KIF6: variants seen among roughly 807,000 people sequenced by gnomAD.
KIF6 encodes kinesin-like protein KIF6.
A neutral mutation model predicts 112.7 loss-of-function variants in KIF6; 106 were observed. The observed-to-expected ratio is 0.94, with a 90% CI of 0.80 to 1.11. The LOEUF is 1.11. KIF6 is among the 50% of genes least tolerant of loss of function. The pLI, the probability that KIF6 is intolerant of heterozygous loss-of-function variation, is 0.00. For missense variants in KIF6, 929 were observed against 964.0 expected (o/e 0.96, Z 0.48); for synonymous variants, 339 against 339.9 (o/e 1.00, Z 0.03).
chr6:39,430,722 T>A lies in KIF6; in HGVS notation c.1754+331A>T, dbSNP rs78670945. 1.0e-3 allele frequency among the ~76,000 whole-genome samples: 157 copies of A among 152,296 alleles called. 2 individuals carry two copies. The highest frequency in any genetic ancestry group is 6.8e-3 in the Middle Eastern group (2 of 294). Reference sequence around the variant, plus strand: ...TAAGAATATAATTTGGTCCATAGACTTTTTCCCCCCTCCTTTGCAACAGTA... The same window carrying A: ...TAAGAATATAATTTGGTCCATAGACATTTTCCCCCCTCCTTTGCAACAGTA... On this transcript the variant is annotated intron_variant, in intron 14 of 22. Transcript: ENST00000287152.
At chr6:39,337,181 T>TTCTTTCTTTCTTTC (rs1763028176) in intron 22 of KIF6, among the ~76,000 whole-genome samples, 1 of 82,260 alleles carries the variant, frequency 1.2e-5, no homozygotes, top group Non-Finnish European at 2.1e-5. Flanking sequence ...CCTTCTTTCT[T>TTCTTTCTTTCTTTC]TCTTTCTTTC....
chr6:39,507,689 TA>T (rs1347826124), intron 13 of KIF6, among the ~76,000 whole-genome samples: 1 of 139,444 alleles, frequency 7.2e-6, no homozygotes, highest in African/African-American at 2.7e-5. Flanking sequence ...CCTTCCTTCC[TA>T]CCTTCCTTCC....
chr6:39,388,189 C>A (rs1767580561), intron 15 of KIF6, among the ~76,000 whole-genome samples: 1 of 152,162 alleles, frequency 6.6e-6, no homozygotes, highest in Non-Finnish European at 1.5e-5. Flanking sequence ...AACCCCATGC[C>A]TTGACCAGAG....
chr6:39,619,481 A>T (rs543400078), intron 5 of KIF6, among the ~76,000 whole-genome samples: 1 of 152,190 alleles, frequency 6.6e-6, no homozygotes, highest in South Asian at 2.1e-4. Flanking sequence ...TAACCAATGG[A>T]TAAAGTCATT....
intron 15 of KIF6, among the ~76,000 whole-genome samples, chr6:39,418,511 C>A (rs1770094025): frequency 6.6e-6 from 1 of 152,114 alleles, no homozygotes; most frequent in Non-Finnish European, 1.5e-5. Flanking sequence ...ACTGATAGCA[C>A]AAAAGATATT....
At chr6:39,631,720 T>G (rs902067195) in intron 5 of KIF6, among the ~76,000 whole-genome samples, 5 of 148,608 alleles carry the variant, frequency 3.4e-5, no homozygotes, top group African/African-American at 1.3e-4. Context: ...TTTTTTTGTT[T>G]TTTTGTTTTT....
intron 16 of KIF6, among the ~76,000 whole-genome samples, chr6:39,380,686 G>C (rs1041646713): frequency 1.3e-5 from 2 of 151,710 alleles, no homozygotes; most frequent in Non-Finnish European, 2.9e-5. Context: ...AATTTCCTTG[G>C]TGTAAATATT....
chr6:39,381,880 C>A (rs553915851), intron 16 of KIF6, among the ~76,000 whole-genome samples: 7 of 152,182 alleles, frequency 4.6e-5, no homozygotes, highest in African/African-American at 1.4e-4. Flanking sequence ...CAAAGCTAGG[C>A]GCTACTGAAC....
intron 13 of KIF6, among the ~76,000 whole-genome samples, chr6:39,454,129 T>C (rs1772879148): frequency 6.6e-6 from 1 of 152,184 alleles, no homozygotes; most frequent in Non-Finnish European, 1.5e-5. Flanking sequence ...CTAAGTAGCA[T>C]GGTGAGTATG....
intron 13 of KIF6, among the ~76,000 whole-genome samples, chr6:39,486,356 A>G (rs1775113964): frequency 6.6e-6 from 1 of 152,094 alleles, no homozygotes; most frequent in South Asian, 2.1e-4. Flanking sequence ...CCAGGTTTCC[A>G]GTTGTCCCTT....
intron 13 of KIF6, among the ~76,000 whole-genome samples, chr6:39,481,660 C>A (rs1774806604): frequency 6.6e-6 from 1 of 152,182 alleles, no homozygotes; most frequent in Non-Finnish European, 1.5e-5. Context: ...GGGCTCCCCA[C>A]AAACTCACCC....
chr6:39,461,882 C>G (rs1293464587), intron 13 of KIF6, among the ~76,000 whole-genome samples: 2 of 152,074 alleles, frequency 1.3e-5, no homozygotes, highest in Non-Finnish European at 2.9e-5. Flanking sequence ...TACTATAATA[C>G]TAATATTTTA....
At chr6:39,573,693 A>C (rs1321823450) in intron 10 of KIF6, among the ~76,000 whole-genome samples, 1 of 152,218 alleles carries the variant, frequency 6.6e-6, no homozygotes, top group Non-Finnish European at 1.5e-5. Context: ...GCTGAAGTTT[A>C]TTTAGTAGCA....
chr6:39,379,376 G>A (rs1398121091), intron 16 of KIF6, among the ~76,000 whole-genome samples: 2 of 152,214 alleles, frequency 1.3e-5, no homozygotes, highest in Non-Finnish European at 2.9e-5. Context: ...GTCACCTGGG[G>A]AAGCATTCAT....
intron 3 of KIF6, among the ~76,000 whole-genome samples, chr6:39,648,027 CTT>C (rs780247547): frequency 1.6e-4 from 18 of 113,378 alleles, no homozygotes; most frequent in Admixed American, 1.8e-4. Context: ...TTTTAACTTT[CTT>C]TTTTTTTTTT....
intron 3 of KIF6, among the ~76,000 whole-genome samples, chr6:39,676,521 G>A (rs1787149134): frequency 6.6e-6 from 1 of 152,024 alleles, no homozygotes; most frequent in Non-Finnish European, 1.5e-5. Flanking sequence ...AAGAAACTAG[G>A]ATAACACGGG....
intron 3 of KIF6, among the ~76,000 whole-genome samples, chr6:39,682,169 A>C (rs1448486568): frequency 6.6e-6 from 1 of 152,206 alleles, no homozygotes; most frequent in Non-Finnish European, 1.5e-5. Context: ...AAAGATCAGA[A>C]AGCATAAGTA....
At chr6:39,423,393 C>A (rs1770522636) in intron 14 of KIF6, among the ~76,000 whole-genome samples, 1 of 152,066 alleles carries the variant, frequency 6.6e-6, no homozygotes, top group Non-Finnish European at 1.5e-5. Flanking sequence ...TCTCAGTCTC[C>A]TTTGCTGATG....
At chr6:39,591,410 C>T (rs1004336986) in intron 7 of KIF6, among the ~76,000 whole-genome samples, 3 of 152,158 alleles carry the variant, frequency 2.0e-5, no homozygotes, top group Non-Finnish European at 4.4e-5. Flanking sequence ...GCCTCAGTTC[C>T]CTCACTCGTA....
Sources: allele counts gnomAD v4.1 joint callset (sites outside exome capture counted in the v4.1 genomes callset), GRCh38; gene constraint gnomAD v4.1.1; transcripts MANE v1.5; gene names NCBI Gene and HGNC (gene_info 2026-07-23, HGNC 2026-07-21).